Variants in NKAIN2 observed in about 807,000 individuals in gnomAD.
NKAIN2 encodes sodium/potassium-transporting ATPase subunit beta-1-interacting protein 2.
A neutral mutation model predicts 32.6 loss-of-function variants in NKAIN2; 14 were observed. The ratio of observed to expected loss-of-function variants is 0.43; its 90% CI spans 0.28 to 0.67. NKAIN2 has a LOEUF of 0.67. Among genes scored for constraint, NKAIN2 ranks in the 30% least tolerant of loss-of-function variants. The pLI, the probability that NKAIN2 is intolerant of heterozygous loss-of-function variation, is 0.17. For synonymous variants in NKAIN2, 80 were observed against 87.2 expected, an observed-to-expected ratio of 0.92 and a Z score of 0.46; for missense variants, 198 against 258.3, an observed-to-expected ratio of 0.77 and a Z score of 1.60.
At chr6:124,463,794 G>A (rs148778313) in intron 3 of NKAIN2, among the ~76,000 whole-genome samples, 1 of 151,970 alleles carries the variant, frequency 6.6e-6, no homozygotes, top group Non-Finnish European at 1.5e-5. Context: ...TTTTTATTGC[G>A]ATTTAAGATG....
At chr6:124,551,573 CA>C (rs547691750) in intron 3 of NKAIN2, among the ~76,000 whole-genome samples, 27 of 146,882 alleles carry the variant, frequency 1.8e-4, no homozygotes, top group East Asian at 1.6e-3. Context: ...GTTAAGCAAG[CA>C]AAAAAAAAAT....
chr6:124,020,836 GCCCCTT>G lies in NKAIN2; in HGVS notation c.54+216583_54+216588del, dbSNP rs570711222. The stretch of plus-strand genomic sequence containing the variant: ...AATTGAAGAAAAGATTAATAAAAAG[GCCCCTT>G]TCAGTAAACTTAAAGAAGACATAAA... On this transcript the variant is annotated intron_variant, in intron 1 of 6. Transcript: ENST00000368417. Among the ~76,000 whole-genome samples, 22 of 152,014 alleles carry G rather than the reference GCCCCTT, an allele frequency of 1.4e-4. No homozygotes were observed. The South Asian group carries it at 4.1e-3, about 29-fold the overall frequency.
At chr6:124,095,256 A>G (rs1323227134) in intron 1 of NKAIN2, among the ~76,000 whole-genome samples, 4 of 152,094 alleles carry the variant, frequency 2.6e-5, no homozygotes, top group Non-Finnish European at 4.4e-5. Context: ...TGACTATTCA[A>G]TTAATTTAAT....
intron 1 of NKAIN2, among the ~76,000 whole-genome samples, chr6:124,170,729 A>C (rs1272209549): frequency 6.6e-6 from 1 of 152,212 alleles, no homozygotes; most frequent in Non-Finnish European, 1.5e-5. Flanking sequence ...AAGTATAAAT[A>C]GCAAAGATAG....
chr6:124,394,726 T>C (rs1773302497), intron 3 of NKAIN2, among the ~76,000 whole-genome samples: 2 of 151,958 alleles, frequency 1.3e-5, no homozygotes, highest in Admixed American at 1.3e-4. Context: ...CTATTCAGGT[T>C]TGCAATTGCT....
chr6:124,329,817 T>C (rs757072368), intron 2 of NKAIN2, among the ~76,000 whole-genome samples: 1 of 152,226 alleles, frequency 6.6e-6, no homozygotes, highest in Non-Finnish European at 1.5e-5. Flanking sequence ...TTCTTTACTA[T>C]AAAGTATGTC....
chr6:124,816,649 C>T (rs1562401332), intron 5 of NKAIN2, among the ~76,000 whole-genome samples: 2 of 152,144 alleles, frequency 1.3e-5, no homozygotes, highest in African/African-American at 4.8e-5. Context: ...ACACAGACAT[C>T]ACGGACTTTA....
intron 1 of NKAIN2, among the ~76,000 whole-genome samples, chr6:124,239,297 A>G (rs1307656769): frequency 2.0e-5 from 3 of 151,998 alleles, no homozygotes; most frequent in Non-Finnish European, 4.4e-5. Flanking sequence ...CCACACAATA[A>G]TAGTGGCAGG....
At chr6:124,726,926 C>A (rs1262371560) in intron 4 of NKAIN2, among the ~76,000 whole-genome samples, 118 of 106,704 alleles carry the variant, frequency 1.1e-3, no homozygotes, top group East Asian at 1.7e-3. Context: ...GCCTCAGGAG[C>A]TGATGCAATC....
chr6:124,612,180 T>C (rs1782714580), intron 3 of NKAIN2, among the ~76,000 whole-genome samples: 1 of 151,890 alleles, frequency 6.6e-6, no homozygotes, highest in Non-Finnish European at 1.5e-5. Flanking sequence ...TGAATCACTC[T>C]ATGTTTTTGG....
At chr6:124,767,564 G>A (rs1351947175) in intron 4 of NKAIN2, among the ~76,000 whole-genome samples, 1 of 152,106 alleles carries the variant, frequency 6.6e-6, no homozygotes, top group Non-Finnish European at 1.5e-5. Context: ...TATCTACTCA[G>A]CTCTTTATAG....
chr6:124,353,327 T>C (rs1798816795), intron 2 of NKAIN2, among the ~76,000 whole-genome samples: 1 of 152,300 alleles, frequency 6.6e-6, no homozygotes, highest in Admixed American at 6.5e-5. Context: ...CAAAGTTTGT[T>C]GCAGCACTAA....
chr6:124,739,925 T>C (rs561884850), intron 4 of NKAIN2, among the ~76,000 whole-genome samples: 1 of 151,992 alleles, frequency 6.6e-6, no homozygotes, highest in Non-Finnish European at 1.5e-5. Context: ...TGGACTATGC[T>C]GGGCAGAGAG....
chr6:123,947,112 C>T (rs9491012), intron 1 of NKAIN2, among the ~76,000 whole-genome samples: 3,776 of 152,286 alleles, frequency 0.025, 135 homozygotes, highest in African/African-American at 0.082. Context: ...GTGGGAACCA[C>T]AGTGCCTTTA....
chr6:124,626,070 T>A (rs1378042328), intron 3 of NKAIN2, among the ~76,000 whole-genome samples: 1 of 148,478 alleles, frequency 6.7e-6, no homozygotes, highest in Non-Finnish European at 1.5e-5. Flanking sequence ...ATTAGGTATA[T>A]CTCCTAATGC....
intron 1 of NKAIN2, among the ~76,000 whole-genome samples, chr6:124,115,997 CT>C (rs1785591636): frequency 6.6e-6 from 1 of 151,706 alleles, no homozygotes; most frequent in Non-Finnish European, 1.5e-5. Context: ...ATATCAAATG[CT>C]TTTTTATATA....
At chr6:124,703,036 T>C (rs1343685288) in intron 4 of NKAIN2, among the ~76,000 whole-genome samples, 1 of 151,888 alleles carries the variant, frequency 6.6e-6, no homozygotes, top group Non-Finnish European at 1.5e-5. Flanking sequence ...AAAAGTTGCA[T>C]GCAAAAAAAG....
chr6:123,950,226 G>A (rs1233834427), intron 1 of NKAIN2, among the ~76,000 whole-genome samples: 1 of 151,612 alleles, frequency 6.6e-6, no homozygotes, highest in African/African-American at 2.4e-5. Flanking sequence ...TCTATGTTCA[G>A]CAGGGATATT....
At chr6:123,844,298 T>C (rs1256980804) in intron 1 of NKAIN2, among the ~76,000 whole-genome samples, 1 of 152,180 alleles carries the variant, frequency 6.6e-6, no homozygotes, top group Non-Finnish European at 1.5e-5. Flanking sequence ...AAGAAGGTAG[T>C]GTTTAGCTAA....
Sources: gnomAD v4.1 joint callset for allele counts (sites outside exome capture counted in the v4.1 genomes callset) on GRCh38, gnomAD v4.1.1 for gene constraint, MANE v1.5 for transcripts, NCBI Gene and HGNC (gene_info 2026-07-23, HGNC 2026-07-21) for gene names.